GRK2: variants seen among roughly 807,000 people sequenced by gnomAD.
GRK2 encodes G protein-coupled receptor kinase 2.
GRK2 carries 23 observed loss-of-function variants against 97.8 expected under a neutral mutation model. The ratio of observed to expected loss-of-function variants is 0.24; its 90% CI spans 0.17 to 0.33. GRK2 has a LOEUF of 0.33. Ranked by LOEUF, GRK2 falls within the 10% of genes least tolerant of loss-of-function variation. The pLI, the probability that GRK2 is intolerant of heterozygous loss-of-function variation, is 1.00. For synonymous variants in GRK2, 425 were observed against 381.7 expected, an observed-to-expected ratio of 1.11 and a Z score of -1.32; for missense variants, 633 against 956.9, an observed-to-expected ratio of 0.66 and a Z score of 4.47.
At chr11:67,277,909 G>C (rs911097859) in intron 2 of GRK2, among the ~76,000 whole-genome samples, 2 of 152,242 alleles carry the variant, frequency 1.3e-5, no homozygotes, top group Non-Finnish European at 2.9e-5. Context: ...ACATGGCTCT[G>C]ATTTGGCCTT....
Position 67,282,811 on chromosome 11 carries a change from T to A in GRK2, c.1220T>A (p.Leu407Gln). 1.2e-6 allele frequency: 2 copies of A among 1,609,488 alleles called. No homozygotes were observed. Among genetic ancestry groups the A allele is most frequent in the Non-Finnish European group, 1.7e-6 (2 of 1,179,652 alleles). ...KDKHEIDRMT[L>Q]TMAVELPDSF... ...AAGCATGAGATCGACCGCATGACGCTGACGATGGTGGGTGCAGGTCTCAGT... is the reference window on the plus strand; with the variant it reads ...AAGCATGAGATCGACCGCATGACGCAGACGATGGTGGGTGCAGGTCTCAGT... The change falls in exon 14 of 21, where the codon CTG (leucine) becomes CAG (glutamine). Residue 407 changes from leucine (L) to glutamine (Q), a missense_variant. Around this residue, in one of 4 missense-constraint regions of GRK2, gnomAD observed 192 missense variants for 362.3 expected, o/e 0.53. Transcript: ENST00000308595. The surrounding 1 kb of genome is among the most constrained non-coding windows in gnomAD (Gnocchi z 6.9).
chr11:67,275,159 A>G (rs1860002611), intron 1 of GRK2, among the ~76,000 whole-genome samples: 3 of 152,136 alleles, frequency 2.0e-5, no homozygotes, highest in Non-Finnish European at 2.9e-5. Context: ...TGCTCGTGCT[A>G]TCTCGCTCGG....
rs1051769392 is a variant in GRK2, at chr11:67,285,903, C to T, written c.*453C>T. Reference sequence around the variant, plus strand: ...GGGCAGGCCCTGCACTGTCCTGCTCCACAGTGTTGGCGAGAGGAGGGGCCC... The same window carrying T: ...GGGCAGGCCCTGCACTGTCCTGCTCTACAGTGTTGGCGAGAGGAGGGGCCC... On this transcript the variant is annotated 3_prime_UTR_variant, in exon 21 of 21. Transcript: ENST00000308595. 1.7e-5 allele frequency: 4 copies of T among 231,186 alleles called. No homozygotes were observed. The highest frequency in any genetic ancestry group is 5.2e-5 in the Admixed American group (1 of 19,078). The allele number at this position is 231,186 out of a possible 1,614,324, so 14.3% of individuals were successfully genotyped here.
Position 67,270,754 on chromosome 11 carries a change from G to A in GRK2, c.113+3942G>A, listed in dbSNP as rs1280168624. Among the ~76,000 whole-genome samples the A allele has an allele frequency of 3.9e-5, 6 of 152,174 alleles. No individual in the cohort carries two copies. In the East Asian group the frequency reaches 5.8e-4, roughly 15 times the overall value. ...AATGGGTCTCTGGGATGTCTTTCCC[G>A]TCTGTTTTCCTTTCCAGAGCATGCG... is the stretch of plus-strand genomic sequence containing the variant. On this transcript the variant is annotated intron_variant, in intron 1 of 20. Coordinates refer to ENST00000308595, the MANE Select transcript of GRK2 (RefSeq NM_001619.5).
Position 67,279,905 on chromosome 11 carries a change from G to A in GRK2, c.503+5G>A. 3 of 1,613,770 alleles carry A rather than the reference G, an allele frequency of 1.9e-6. No individual in the cohort carries two copies. Among genetic ancestry groups the A allele is most frequent in the Non-Finnish European group, 2.5e-6 (3 of 1,179,890 alleles). On this transcript the variant is annotated splice_donor_5th_base_variant and intron_variant, in intron 6 of 20. Coordinates refer to ENST00000308595, the MANE Select transcript of GRK2 (RefSeq NM_001619.5). ...GTTCCAGAAATTCATTGAGAGGTGA[G>A]AGCAGGGAAGTGTGGGAGAGGAAGG...
chr11:67,281,455 G>A lies in GRK2; in HGVS notation c.648-4G>A, dbSNP rs761021483. 17 of 1,613,058 alleles carry A rather than the reference G, an allele frequency of 1.1e-5. No individual in the cohort carries two copies. The highest frequency in any genetic ancestry group is 6.7e-5 in the African/African-American group (5 of 74,902). On this transcript the variant is annotated splice_polypyrimidine_tract_variant and splice_region_variant and intron_variant, in intron 8 of 20. Coordinates refer to ENST00000308595, the MANE Select transcript of GRK2 (RefSeq NM_001619.5). This position sits in a 1 kb window ranked among gnomAD's most constrained non-coding sequence, Gnocchi z 5.7. ...GGTGTTGACTGCCGACCTCTGCCCCGTAGGTACGCCATGAAGTGCCTGGAC... is the reference window on the plus strand; with the variant it reads ...GGTGTTGACTGCCGACCTCTGCCCCATAGGTACGCCATGAAGTGCCTGGAC...
chr11:67,282,753 C>A lies in GRK2; in HGVS notation c.1162C>A (p.His388Asn). 1 of 1,611,632 alleles carries A rather than the reference C, an allele frequency of 6.2e-7. No individual in the cohort carries two copies. Among genetic ancestry groups the A allele is most frequent in the Non-Finnish European group, 8.5e-7 (1 of 1,179,726 alleles). The change falls in exon 14 of 21, where the codon CAC becomes AAC. Residue 388 changes from histidine (H) to asparagine (N), a missense_variant and splice_region_variant. Coordinates refer to ENST00000308595, the MANE Select transcript of GRK2 (RefSeq NM_001619.5). The surrounding 1 kb of genome is among the most constrained non-coding windows in gnomAD (Gnocchi z 6.9). The part of the protein sequence containing the change: ...GCMLFKLLRG[H>N]SPFRQHKTKD... ...TGGTTTTTGGCCTTTCTTGCCCAGGCACAGCCCCTTCCGGCAGCACAAGAC... is the reference window on the plus strand; with the variant it reads ...TGGTTTTTGGCCTTTCTTGCCCAGGAACAGCCCCTTCCGGCAGCACAAGAC...
At chr11:67,275,292 G>A (rs1292417620) in intron 1 of GRK2, among the ~76,000 whole-genome samples, 1 of 152,100 alleles carries the variant, frequency 6.6e-6, no homozygotes, top group Non-Finnish European at 1.5e-5. Context: ...CGAGGCCGAG[G>A]TCAGAGGCCA....
chr11:67,274,216 T>C (rs1055061331), intron 1 of GRK2, among the ~76,000 whole-genome samples: 2 of 152,090 alleles, frequency 1.3e-5, no homozygotes, highest in African/African-American at 4.8e-5. Context: ...TTTCACCATG[T>C]TGGTCAGGCT....
chr11:67,284,386 G>A lies in GRK2; in HGVS notation c.1654+13G>A, dbSNP rs3730147. The A allele has an allele frequency of 0.022, 35,067 of 1,610,340 alleles. 464 individuals carry two copies. The highest frequency in any genetic ancestry group is 0.044 in the East Asian group (1,955 of 44,868). On this transcript the variant is annotated intron_variant, in intron 18 of 20. Coordinates refer to ENST00000308595, the MANE Select transcript of GRK2 (RefSeq NM_001619.5). Reference sequence around the variant, plus strand: ...GGCCATGAGGAAGGTGAGGGTCGCCGGCTGCTGCGGCACCAGGCCCCTGCC... The same window carrying A: ...GGCCATGAGGAAGGTGAGGGTCGCCAGCTGCTGCGGCACCAGGCCCCTGCC...
At chr11:67,285,250 A>AG (rs1565069721) in intron 20 of GRK2, 36 bp from the exon 21 acceptor site, 1 of 1,609,906 alleles carries the variant, frequency 6.2e-7, no homozygotes, top group Non-Finnish European at 8.5e-7. Context: ...GGCTGGGGAG[A>AG]GCCCCAGCTG....
chr11:67,282,575 TG>T lies in GRK2; in HGVS notation c.1160+37del. Reference sequence around the variant, plus strand: ...GCCCATCCCAGGTGGGCAGGTGGGTTGGGGCTAAGAGAAGTTCCTCCCCAAT... The same window carrying T: ...GCCCATCCCAGGTGGGCAGGTGGGTTGGGCTAAGAGAAGTTCCTCCCCAAT... On this transcript the variant is annotated intron_variant, in intron 13 of 20. Coordinates refer to ENST00000308595, the MANE Select transcript of GRK2 (RefSeq NM_001619.5). This position sits in a 1 kb window ranked among gnomAD's most constrained non-coding sequence, Gnocchi z 6.9. The T allele has an allele frequency of 6.2e-7, 1 of 1,603,884 alleles. No homozygotes were observed.
At chr11:67,279,368 C>T (rs774025637) in intron 3 of GRK2, 50 bp from the exon 4 acceptor site, 7 of 1,608,708 alleles carry the variant, frequency 4.4e-6, no homozygotes, top group Middle Eastern at 1.7e-4. Flanking sequence ...GTGTGGGCAT[C>T]CCCATTCCCT....
chr11:67,277,430 TC>T, intron 2 of GRK2, 82 bp downstream of exon 2: 1 of 1,304,432 alleles, frequency 7.7e-7, no homozygotes, highest in Non-Finnish European at 1.1e-6. Flanking sequence ...CTCCCCACTC[TC>T]CAGAGATTTG....
Position 67,284,201 on chromosome 11 carries a change from C to T in GRK2, c.1492-10C>T, listed in dbSNP as rs1471347492. 3.7e-6 allele frequency: 6 copies of T among 1,613,490 alleles called. No individual in the cohort carries two copies. Among genetic ancestry groups the T allele is most frequent in the Non-Finnish European group, 5.1e-6 (6 of 1,179,964 alleles). On this transcript the variant is annotated splice_polypyrimidine_tract_variant and intron_variant, in intron 17 of 20. Coordinates refer to ENST00000308595, the MANE Select transcript of GRK2 (RefSeq NM_001619.5). ...CACCCATGTGCCCCTGCCCCATCCA[C>T]CTGGTAAAGTTACTGGACAGTGATC...
chr11:67,273,802 C>A (rs1225137475), intron 1 of GRK2, among the ~76,000 whole-genome samples: 1 of 152,096 alleles, frequency 6.6e-6, no homozygotes, highest in Non-Finnish European at 1.5e-5. Flanking sequence ...GCCTCAGAGC[C>A]CCGGGTCCTG....
In GRK2 at chr11:67,279,222, C is replaced by T. The variant is rs1380507249; in HGVS notation, c.213C>T (p.Phe71=). 1.9e-6 allele frequency: 3 copies of T among 1,613,466 alleles called. No individual in the cohort carries two copies. The Admixed American group carries it at 5.0e-5, about 27-fold the overall frequency. Reference sequence around the variant, plus strand: ...CAGGGTACCTGCTCTTCCGAGACTTCTGCCTGAACCACCTGGAGGAGGCCA... The same window carrying T: ...CAGGGTACCTGCTCTTCCGAGACTTTTGCCTGAACCACCTGGAGGAGGCCA... ...QKLGYLLFRD[F]CLNHLEEARP... The change falls in exon 3 of 21, where the codon TTC becomes TTT. Residue 71 remains phenylalanine, a synonymous_variant. Transcript: ENST00000308595.
At chr11:67,277,156 GCCT>G in intron 1 of GRK2, 113 bp from the exon 2 acceptor site, 1 of 925,250 alleles carries the variant, frequency 1.1e-6, no homozygotes, top group Non-Finnish European at 1.7e-6. Context: ...TGACGGGCTG[GCCT>G]CCTTCCTGGA....
In GRK2 at chr11:67,266,716, C is replaced by A; in HGVS notation, c.17C>A (p.Ala6Glu). 1 of 1,285,580 alleles carries A rather than the reference C, an allele frequency of 7.8e-7. No homozygotes were observed. Among genetic ancestry groups the A allele is most frequent in the Non-Finnish European group, 9.9e-7 (1 of 1,006,316 alleles). The allele number at this position is 1,285,580 out of a possible 1,614,324, so 79.6% of individuals were successfully genotyped here. A position where few individuals can be genotyped will look rare whatever the true frequency, so the allele number is the denominator to read the frequency against. Residue 6 changes from alanine (A) to glutamate (E), a missense_variant, in exon 1 of 21, where the codon GCG (alanine) becomes GAG (glutamate). This residue lies in a region of GRK2 where 193 missense variants were observed against 212.2 expected (regional missense o/e 0.91). Transcript: ENST00000308595. ...GCCGCCAAGATGGCGGACCTGGAGG[C>A]GGTGCTGGCCGACGTGAGCTACCTG... Reference protein sequence around the residue: MADLEAVLADVSYLMA... With the variant: MADLEEVLADVSYLMA...
Sources: allele counts gnomAD v4.1 joint callset (sites outside exome capture counted in the v4.1 genomes callset), GRCh38; gene constraint gnomAD v4.1.1; regional missense constraint gnomAD v4.1.1; non-coding constraint Gnocchi (gnomAD v3.1); transcripts MANE v1.5; gene names NCBI Gene and HGNC (gene_info 2026-07-23, HGNC 2026-07-21).